Variants in ABCB1 observed in about 807,000 individuals in gnomAD.
ABCB1 encodes ATP-dependent translocase ABCB1.
In ABCB1, 69 loss-of-function variants were observed where a neutral mutation model predicts 142.0. That is an observed-to-expected ratio of 0.49 (90% CI 0.40 to 0.59). The LOEUF is 0.59. ABCB1 is among the 20% of genes least tolerant of loss of function. The probability of loss-of-function intolerance (pLI) is 0.00; values close to 1 mark genes in which losing one functional copy is unlikely to be tolerated. For missense variants in ABCB1, 1,326 were observed against 1,554.7 expected (o/e 0.85, Z 2.47); for synonymous variants, 532 against 539.2 (o/e 0.99, Z 0.18).
At chr7:87,658,810 A>G (rs1182455016) in intron 1 of ABCB1, among the ~76,000 whole-genome samples, 1 of 152,212 alleles carries the variant, frequency 6.6e-6, no homozygotes, top group African/African-American at 2.4e-5. Context: ...CACAGGAAAG[A>G]CAACTAAGGA....
chr7:87,706,440 T>C (rs538281285), intron 1 of ABCB1, among the ~76,000 whole-genome samples: 3 of 152,106 alleles, frequency 2.0e-5, no homozygotes, highest in African/African-American at 7.2e-5. Flanking sequence ...ATCCCAAAGG[T>C]AAGAAAACAA....
intron 6 of ABCB1, 50 bp from the exon 7 acceptor site, chr7:87,566,291 A>G (rs1227294537): frequency 6.3e-7 from 1 of 1,579,498 alleles, no homozygotes; most frequent in African/African-American, 1.3e-5. Context: ...GTAAACATCA[A>G]CTTTTCTCGT....
chr7:87,703,079 T>C (rs1829236875), intron 1 of ABCB1, among the ~76,000 whole-genome samples: 1 of 152,160 alleles, frequency 6.6e-6, no homozygotes, highest in Non-Finnish European at 1.5e-5. Flanking sequence ...AAACATTAAG[T>C]AGAAAATAAA....
chr7:87,670,745 A>G (rs1825744510), intron 1 of ABCB1, among the ~76,000 whole-genome samples: 1 of 152,030 alleles, frequency 6.6e-6, no homozygotes, highest in Non-Finnish European at 1.5e-5. Context: ...TACATTAGTG[A>G]GGTATTTTTG....
intron 3 of ABCB1, among the ~76,000 whole-genome samples, chr7:87,589,191 G>A (rs551344660): frequency 6.6e-6 from 1 of 152,000 alleles, no homozygotes; most frequent in Admixed American, 6.5e-5. Flanking sequence ...AGACTTTAGG[G>A]GAAAAAAATC....
chr7:87,597,070 G>A lies in ABCB1; in HGVS notation c.69-1256C>T, dbSNP rs1040330517. On this transcript the variant is annotated intron_variant, in intron 2 of 27. Coordinates refer to ENST00000622132, the MANE Select transcript of ABCB1 (RefSeq NM_001348946.2). ...GACACATTTTTGTTCTTTTAGAGAC[G>A]TAGAAGAGTGAGAAGAGTTAACTTG... Among the ~76,000 whole-genome samples the A allele has an allele frequency of 4.6e-5, 7 of 151,980 alleles. 1 individual carries two copies. Among genetic ancestry groups the A allele is most frequent in the South Asian group, 2.1e-4 (1 of 4,824 alleles).
intron 16 of ABCB1, among the ~76,000 whole-genome samples, 176 bp downstream of exon 16, chr7:87,544,647 G>A (rs145021269): frequency 5.4e-4 from 82 of 152,282 alleles, no homozygotes; most frequent in African/African-American, 1.9e-3. Context: ...AAATTCTGCT[G>A]TGTAAATTAA....
intron 21 of ABCB1, chr7:87,521,944 A>C: frequency 1.3e-6 from 1 of 787,536 alleles, no homozygotes; most frequent in Non-Finnish European, 2.3e-6. Flanking sequence ...CATGGGTAAG[A>C]CTGTCACTGA....
intron 1 of ABCB1, among the ~76,000 whole-genome samples, chr7:87,703,302 T>C (rs1456349708): frequency 6.6e-6 from 1 of 152,158 alleles, no homozygotes; most frequent in Non-Finnish European, 1.5e-5. Context: ...GATGAAGATA[T>C]GTTCAAATTA....
At chr7:87,586,289 T>C (rs1329539769) in intron 3 of ABCB1, among the ~76,000 whole-genome samples, 2 of 152,218 alleles carry the variant, frequency 1.3e-5, no homozygotes, top group Non-Finnish European at 2.9e-5. Context: ...GTTGGAGATC[T>C]GCATAATCTC....
chr7:87,672,180 C>T (rs1825887823), intron 1 of ABCB1, among the ~76,000 whole-genome samples: 1 of 152,204 alleles, frequency 6.6e-6, no homozygotes, highest in African/African-American at 2.4e-5. Context: ...AGAACACAGG[C>T]AGGGATGGCT....
chr7:87,709,416 A>C, intron 1 of ABCB1: 5 of 985,368 alleles, frequency 5.1e-6, no homozygotes, highest in Non-Finnish European at 6.0e-6. Context: ...CCTCTGTTCC[A>C]ATCAGCTACA....
intron 8 of ABCB1, among the ~76,000 whole-genome samples, chr7:87,558,930 G>T (rs986408986): frequency 4.6e-5 from 7 of 151,864 alleles, no homozygotes; most frequent in Non-Finnish European, 8.8e-5. Context: ...ACATGTTCAG[G>T]ATGTTTTCAA....
At position 87,615,617 on chromosome 7, in the gene ABCB1, G is replaced by A. The variant is rs181368790; in HGVS notation, c.-330-14539C>T. The stretch of plus-strand genomic sequence containing the variant: ...CAGGTGAGCCCAGGGGAGTGTAATA[G>A]TGGGAATAATGAAAAGTGCTTAGAC... On this transcript the variant is annotated intron_variant, in intron 1 of 28. Coordinates refer to the ABCB1 transcript ENST00000265724. Among the ~76,000 whole-genome samples the A allele has an allele frequency of 2.0e-5, 3 of 152,330 alleles. No individual in the cohort carries two copies. The East Asian group carries it at 5.8e-4, about 29-fold the overall frequency.
At chr7:87,677,990 T>A (rs909529231) in intron 1 of ABCB1, among the ~76,000 whole-genome samples, 5 of 152,048 alleles carry the variant, frequency 3.3e-5, no homozygotes, top group African/African-American at 9.7e-5. Flanking sequence ...AATTCCCAGA[T>A]AAAGGAAAAC....
In ABCB1 at chr7:87,544,976, T is replaced by C. The variant is rs199581289; in HGVS notation, c.1911A>G (p.Leu637=). The change falls in exon 16 of 28, where the codon TTA becomes TTG. Residue 637 remains leucine, a synonymous_variant. Coordinates refer to ENST00000622132, the MANE Select transcript of ABCB1 (RefSeq NM_001348946.2). The stretch of plus-strand genomic sequence containing the variant: ...TTTTGGATTCATCAGCTGCATTTTC[T>C]AATTCAACTTCATTTCCTGCTGTCT... ...TMQTAGNEVE[L]ENAADESKSE... is the part of the protein sequence containing the mutation. 27 of 1,613,890 alleles carry C rather than the reference T, an allele frequency of 1.7e-5. No homozygotes were observed. Among genetic ancestry groups the C allele is most frequent in the Non-Finnish European group, 2.2e-5 (26 of 1,179,980 alleles).
At chr7:87,641,390 A>G (rs570641860) in intron 1 of ABCB1, among the ~76,000 whole-genome samples, 2 of 152,278 alleles carry the variant, frequency 1.3e-5, no homozygotes, top group East Asian at 3.9e-4. Flanking sequence ...GCTTTCATCC[A>G]ATCAGGGACT....
intron 1 of ABCB1, among the ~76,000 whole-genome samples, chr7:87,703,914 G>GTTTTTTTT (rs35797972): frequency 7.4e-3 from 320 of 42,970 alleles, no homozygotes; most frequent in East Asian, 9.2e-3. Context: ...TTTTTTTTTG[G>GTTTTTTTT]TTTTTTTTTT....
chr7:87,510,060 G>A (rs898743257), intron 25 of ABCB1, among the ~76,000 whole-genome samples: 7 of 152,010 alleles, frequency 4.6e-5, no homozygotes, highest in African/African-American at 7.3e-5. Flanking sequence ...CTTGATATGA[G>A]CCCACTGAGA....
Sources: allele counts gnomAD v4.1 joint callset (sites outside exome capture counted in the v4.1 genomes callset), GRCh38; gene constraint gnomAD v4.1.1; transcripts MANE v1.5; gene names NCBI Gene and HGNC (gene_info 2026-07-23, HGNC 2026-07-21).